Variants in TRMT9B observed in about 807,000 individuals in gnomAD.
The protein encoded by TRMT9B is tRNA methyltransferase 9B (putative), also known as probable tRNA methyltransferase 9B.
A neutral mutation model predicts 11.5 loss-of-function variants in TRMT9B; 16 were observed. The observed-to-expected ratio is 1.39, with a 90% CI of 0.94 to 2.11. The LOEUF (loss-of-function observed/expected upper bound fraction) is 2.11. TRMT9B is among the 30% of genes most tolerant of loss of function. The pLI, the probability that TRMT9B is intolerant of heterozygous loss-of-function variation, is 0.00. For missense variants in TRMT9B, 941 were observed against 553.8 expected (o/e 1.70, Z -7.02); for synonymous variants, 274 against 192.4 (o/e 1.42, Z -3.51).
At chr8:13,002,489 G>C (rs1297785399) in intron 2 of TRMT9B, among the ~76,000 whole-genome samples, 1 of 152,178 alleles carries the variant, frequency 6.6e-6, no homozygotes, top group Non-Finnish European at 1.5e-5. Context: ...TGCAACATAA[G>C]CTGTTTCAAT....
chr8:13,011,467 T>G, intron 3 of TRMT9B: 1 of 985,178 alleles, frequency 1.0e-6, no homozygotes, highest in Non-Finnish European at 1.2e-6. Flanking sequence ...TCTTTTCAGG[T>G]AGAAAAATTT....
chr8:12,977,432 G>A (rs1464231356), intron 1 of TRMT9B, among the ~76,000 whole-genome samples: 3 of 152,130 alleles, frequency 2.0e-5, no homozygotes, highest in African/African-American at 7.2e-5. Context: ...GCCGGGCGTG[G>A]GTGCTCACAT....
At chr8:12,995,588 C>T (rs539265587) in intron 2 of TRMT9B, among the ~76,000 whole-genome samples, 66 of 152,072 alleles carry the variant, frequency 4.3e-4, no homozygotes, top group African/African-American at 1.5e-3. Flanking sequence ...TCTTCTTTTC[C>T]TTGTCATTCT....
intron 1 of TRMT9B, among the ~76,000 whole-genome samples, chr8:12,947,844 T>C (rs919495071): frequency 2.6e-5 from 4 of 152,190 alleles, no homozygotes; most frequent in East Asian, 1.9e-4. Context: ...GTTGATTGAA[T>C]TGGTCACATT....
At chr8:13,018,158 T>G (rs1278194330) in intron 4 of TRMT9B, among the ~76,000 whole-genome samples, 1 of 149,996 alleles carries the variant, frequency 6.7e-6, no homozygotes, top group African/African-American at 2.5e-5. Flanking sequence ...TCCCAGCACT[T>G]TGGGAGGCTG....
chr8:13,006,385 G>C, intron 3 of TRMT9B, 29 bp downstream of exon 3: 1 of 1,432,444 alleles, frequency 7.0e-7, no homozygotes, highest in Non-Finnish European at 9.4e-7. Flanking sequence ...CGCTGACATA[G>C]GTAACCAGGC....
At position 13,023,684 on chromosome 8, in the gene TRMT9B, A is replaced by G. The variant is rs1814296139; in HGVS notation, c.*1640A>G. The G allele has an allele frequency of 6.0e-6, 1 of 167,118 alleles. No individual in the cohort carries two copies. The highest frequency in any genetic ancestry group is 1.5e-5 in the Non-Finnish European group (1 of 68,122). The allele number at this position is 167,118 out of a possible 1,614,324, so 10.4% of individuals were successfully genotyped here. On this transcript the variant is annotated 3_prime_UTR_variant, in exon 5 of 5. Transcript: ENST00000524591. ...CAAGAGTCTTTTTACTTTATGCTGGATGAAAATCCAAATCTTGTTTTATTT... is the reference window on the plus strand; with the variant it reads ...CAAGAGTCTTTTTACTTTATGCTGGGTGAAAATCCAAATCTTGTTTTATTT...
intron 2 of TRMT9B, among the ~76,000 whole-genome samples, chr8:12,992,731 T>C (rs559966237): frequency 1.7e-4 from 26 of 151,438 alleles, no homozygotes; most frequent in Middle Eastern, 3.5e-3. Flanking sequence ...TGTGACGGCA[T>C]GCACCTGTGG....
chr8:13,012,908 C>A (rs931812106), intron 4 of TRMT9B, 51 bp downstream of exon 4: 2 of 1,590,168 alleles, frequency 1.3e-6, no homozygotes, highest in South Asian at 1.1e-5. Context: ...ATAATTGACC[C>A]GGTTTAGTCC....
At chr8:12,966,157 C>CA (rs1043184238) in intron 1 of TRMT9B, among the ~76,000 whole-genome samples, 2 of 151,910 alleles carry the variant, frequency 1.3e-5, no homozygotes, top group Admixed American at 6.6e-5. Flanking sequence ...AAGACCCCCC[C>CA]CATCTCTACA....
intron 3 of TRMT9B, among the ~76,000 whole-genome samples, chr8:13,008,208 C>G (rs761007886): frequency 6.6e-6 from 1 of 152,228 alleles, no homozygotes; most frequent in Non-Finnish European, 1.5e-5. Flanking sequence ...CACACTATAA[C>G]TCTTTCGTGA....
chr8:12,951,689 A>C (rs1800637086), intron 1 of TRMT9B: 1 of 151,676 alleles, frequency 6.6e-6, no homozygotes, highest in African/African-American at 2.4e-5. Context: ...GCCTCCCGAA[A>C]GGTGAAGGCG....
At chr8:13,002,031 T>G (rs1345437931) in intron 2 of TRMT9B, among the ~76,000 whole-genome samples, 1 of 152,234 alleles carries the variant, frequency 6.6e-6, no homozygotes, top group African/African-American at 2.4e-5. Flanking sequence ...ATTTAAAATT[T>G]AAATCTGCAG....
chr8:12,951,381 G>A (rs1800590800), intron 1 of TRMT9B: 1 of 152,282 alleles, frequency 6.6e-6, no homozygotes. Context: ...CGTCACCCAA[G>A]GTACTGCGCT....
chr8:13,007,134 G>A (rs543597459), intron 3 of TRMT9B: 10 of 152,332 alleles, frequency 6.6e-5, no homozygotes, highest in East Asian at 3.9e-4. Context: ...CTCCTCTGGT[G>A]GCTCACTTTG....
chr8:12,979,041 T>G (rs1207423956), intron 1 of TRMT9B, among the ~76,000 whole-genome samples: 1 of 152,082 alleles, frequency 6.6e-6, no homozygotes, highest in African/African-American at 2.4e-5. Context: ...AAGTGGCCAG[T>G]TACAGACTTG....
intron 1 of TRMT9B, among the ~76,000 whole-genome samples, chr8:12,979,529 A>G (rs1272646826): frequency 6.6e-6 from 1 of 152,278 alleles, no homozygotes; most frequent in Admixed American, 6.5e-5. Flanking sequence ...TCTTAAGCTC[A>G]TTCAAATGCC....
intron 1 of TRMT9B, among the ~76,000 whole-genome samples, chr8:12,981,495 G>A (rs937488086): frequency 1.3e-5 from 2 of 152,168 alleles, no homozygotes; most frequent in African/African-American, 4.8e-5. Flanking sequence ...GTGACGGCAC[G>A]GAGCATTGGA....
intron 1 of TRMT9B, among the ~76,000 whole-genome samples, chr8:12,979,119 A>T (rs1216620619): frequency 6.6e-6 from 1 of 151,850 alleles, no homozygotes; most frequent in Non-Finnish European, 1.5e-5. Flanking sequence ...CTTACAGGAA[A>T]CTCCCTCTGG....
Sources: allele counts gnomAD v4.1 joint callset (sites outside exome capture counted in the v4.1 genomes callset), GRCh38; gene constraint gnomAD v4.1.1; transcripts MANE v1.5; gene names NCBI Gene and HGNC (gene_info 2026-07-23, HGNC 2026-07-21).